Variants in FBN3 observed in about 807,000 individuals in gnomAD.
FBN3 encodes the protein fibrillin-3.
FBN3 carries 234 observed loss-of-function variants against 330.1 expected under a neutral mutation model. That is an observed-to-expected ratio of 0.71 (90% CI 0.64 to 0.79). The LOEUF (loss-of-function observed/expected upper bound fraction) is 0.79, where lower values mean the gene tolerates loss of function less well. Among genes scored for constraint, FBN3 ranks in the 30% least tolerant of loss-of-function variants. FBN3 has a pLI of 0.00. For synonymous variants in FBN3, 1,458 were observed against 1,517.3 expected (o/e 0.96, Z 0.91); for missense variants, 3,606 against 3,886.9 (o/e 0.93, Z 1.92).
intron 47 of FBN3, among the ~76,000 whole-genome samples, chr19:8,093,836 A>C (rs1397105052): frequency 6.6e-6 from 1 of 152,226 alleles, no homozygotes; most frequent in Non-Finnish European, 1.5e-5. Context: ...CCCAGGCCAG[A>C]CTGGTCCACG....
chr19:8,127,631 G>A (rs1020659246), intron 18 of FBN3, among the ~76,000 whole-genome samples: 3 of 152,158 alleles, frequency 2.0e-5, no homozygotes, highest in Admixed American at 1.3e-4. Flanking sequence ...TTGATCATCC[G>A]CTAGAGGGGC....
At position 8,075,095 on chromosome 19, in the gene FBN3, G is replaced by A. The variant is rs1349697803; in HGVS notation, c.7678C>T (p.His2560Tyr). 1 of 1,600,238 alleles carries A rather than the reference G, an allele frequency of 6.2e-7. No homozygotes were observed. The highest frequency in any genetic ancestry group is 8.5e-7 in the Non-Finnish European group (1 of 1,173,230). Residue 2560 changes from histidine to tyrosine, a missense_variant, in exon 61 of 64, where the codon CAC becomes TAC. Physicochemically the swap from His to Tyr is moderately conservative, Grantham distance 83. Coordinates refer to ENST00000600128, the MANE Select transcript of FBN3 (RefSeq NM_032447.5). ...CCCACACACTGGGCCCACTGGGAGT[G>A]CTGGGTGAAACCCTGGGGGCAGCTG... ...RCSCPQGFTQ[H>Y]SQWAQCVDEN...
At chr19:8,136,751 G>C (rs1396833540) in intron 10 of FBN3, among the ~76,000 whole-genome samples, 1 of 151,244 alleles carries the variant, frequency 6.6e-6, no homozygotes, top group Non-Finnish European at 1.5e-5. Context: ...CTCCAACCTG[G>C]GCCTGGATCC....
intron 16 of FBN3, among the ~76,000 whole-genome samples, chr19:8,130,203 G>T (rs1364338172): frequency 1.3e-5 from 2 of 151,320 alleles, no homozygotes; most frequent in African/African-American, 4.8e-5. Flanking sequence ...TGGCCATAAA[G>T]TAAATGTTTT....
At chr19:8,104,436 ACT>A (rs1289062540) in intron 38 of FBN3, among the ~76,000 whole-genome samples, 4 of 151,362 alleles carry the variant, frequency 2.6e-5, no homozygotes, top group Non-Finnish European at 5.9e-5. Context: ...ACACCACTGC[ACT>A]CCAGCCTGGA....
rs1317716874 is a variant in FBN3, at chr19:8,121,536, A to G, written c.3083-150T>C. On this transcript the variant is annotated intron_variant, in intron 24 of 63. Transcript: ENST00000600128. This position sits in a 1 kb window ranked among gnomAD's most constrained non-coding sequence, Gnocchi z 4.5. The stretch of plus-strand genomic sequence containing the variant: ...GGCACAGGCCAAGAGGGGAGGCATG[A>G]TGCAGGCATGATGGGGTGCCGTATG... 2 of 689,068 alleles carry G rather than the reference A, an allele frequency of 2.9e-6. No individual in the cohort carries two copies. The highest frequency in any genetic ancestry group is 4.5e-6 in the Non-Finnish European group (2 of 442,998). 42.7% of individuals were successfully genotyped at this position (689,068 alleles called of 1,614,324 possible). A position where few individuals can be genotyped will look rare whatever the true frequency, so the allele number is the denominator to read the frequency against.
intron 13 of FBN3, 25 bp downstream of exon 13, chr19:8,135,936 G>GGGGGGGGGGGGGCGCGGCCCC: frequency 1.5e-6 from 1 of 668,778 alleles, no homozygotes; most frequent in Non-Finnish European, 2.4e-6. Context: ...GGAAGCCCCT[G>GGGGGGGGGGGGGCGCGGCCCC]CCCACCCGCC....
intron 16 of FBN3, among the ~76,000 whole-genome samples, chr19:8,130,757 A>G (rs2083127290): frequency 6.6e-6 from 1 of 151,190 alleles, no homozygotes; most frequent in African/African-American, 2.4e-5. Flanking sequence ...AGTCCCAGCT[A>G]CTCAGGTGGT....
chr19:8,077,757 A>G (rs1435433106), intron 59 of FBN3, among the ~76,000 whole-genome samples: 1 of 152,034 alleles, frequency 6.6e-6, no homozygotes, highest in Admixed American at 6.6e-5. Flanking sequence ...TTGAGGGGCC[A>G]CAGAGAATAG....
intron 59 of FBN3, among the ~76,000 whole-genome samples, chr19:8,076,498 G>GT (rs1306746532): frequency 3.3e-5 from 5 of 151,956 alleles, no homozygotes; most frequent in East Asian, 1.9e-4. Flanking sequence ...ATTTAGCCAG[G>GT]TGTGGTGGTA....
In FBN3 at chr19:8,089,671, C is replaced by G. The variant is rs2082048607; in HGVS notation, c.6251-1G>C. On this transcript the variant is annotated splice_acceptor_variant, in intron 50 of 63. Coordinates refer to ENST00000600128, the MANE Select transcript of FBN3 (RefSeq NM_032447.5). LOFTEE classifies it high-confidence loss of function. ...GGGTTCTCTGCACACTCATTCACGT[C>G]TGCGGATGGCAGGCGTTGCAGACAT... The G allele has an allele frequency of 6.2e-7, 1 of 1,614,010 alleles. No homozygotes were observed. The highest frequency in any genetic ancestry group is 8.5e-7 in the Non-Finnish European group (1 of 1,179,930).
At chr19:8,076,331 A>G (rs1236804779) in intron 59 of FBN3, among the ~76,000 whole-genome samples, 2 of 151,684 alleles carry the variant, frequency 1.3e-5, no homozygotes, top group Non-Finnish European at 2.9e-5. Context: ...ATGTCTTTAA[A>G]TATTCTTACT....
rs1236939624 is a variant in FBN3, at chr19:8,073,365, A to G, written c.7703-68T>C. 7.0e-6 allele frequency: 9 copies of G among 1,292,990 alleles called. No individual in the cohort carries two copies. In the Admixed American group the frequency reaches 1.7e-4, roughly 24 times the overall value. The allele number at this position is 1,292,990 out of a possible 1,614,324, so 80.1% of individuals were successfully genotyped here. On this transcript the variant is annotated intron_variant, in intron 61 of 63. Coordinates refer to ENST00000600128, the MANE Select transcript of FBN3 (RefSeq NM_032447.5). Reference sequence around the variant, plus strand: ...GGCAGTGCAGCCTTCACACCCCCAGAGCCCTCCACCTGGAATGCTGTATGT... The same window carrying G: ...GGCAGTGCAGCCTTCACACCCCCAGGGCCCTCCACCTGGAATGCTGTATGT...
chr19:8,105,539 T>C (rs1023794163), intron 38 of FBN3, among the ~76,000 whole-genome samples: 5 of 152,212 alleles, frequency 3.3e-5, no homozygotes, highest in Non-Finnish European at 4.4e-5. Context: ...ATTACCAGCT[T>C]GAGCTGCCAC....
chr19:8,067,450 T>C (rs899587953), intron 63 of FBN3, among the ~76,000 whole-genome samples: 1 of 152,172 alleles, frequency 6.6e-6, no homozygotes, highest in Non-Finnish European at 1.5e-5. Flanking sequence ...GAGGTCAGCA[T>C]GGGCAACATA....
rs908579886 is a variant in FBN3, at chr19:8,115,617, G to C, written c.3736C>G (p.Pro1246Ala). Residue 1246 changes from proline (P) to alanine (A), a missense_variant, in exon 30 of 64, where the codon CCT (proline) becomes GCT (alanine). Pro to Ala is a conservative substitution (Grantham distance 27). Transcript: ENST00000600128. The stretch of plus-strand genomic sequence containing the variant: ...CAGTCCCCATGGAGGCAGATGTGAG[G>C]GTTCAGGTCACACTCATCCACATCT... Reference protein sequence around the residue: ...CVDVDECDLNPHICLHGDCEN... With the variant: ...CVDVDECDLNAHICLHGDCEN... The C allele has an allele frequency of 6.2e-7, 1 of 1,613,948 alleles. No individual in the cohort carries two copies. The highest frequency in any genetic ancestry group is 8.5e-7 in the Non-Finnish European group (1 of 1,180,000).
intron 16 of FBN3, among the ~76,000 whole-genome samples, chr19:8,130,109 G>A (rs1047862625): frequency 3.0e-4 from 45 of 152,066 alleles, no homozygotes; most frequent in African/African-American, 1.1e-3. Context: ...TGTTGGCCAG[G>A]CTGGTGTGGA....
At chr19:8,126,054 A>T (rs2082974022) in intron 21 of FBN3, 37 bp from the exon 22 acceptor site, 1 of 1,612,718 alleles carries the variant, frequency 6.2e-7, no homozygotes, top group African/African-American at 1.3e-5. Flanking sequence ...GGGTCCAGGG[A>T]GGGGAAGGGT....
rs188090170 is a variant in FBN3 at position 8,076,632 on chromosome 19, G to A, written c.7454-1221C>T. ...CCAGTCTGGGTGACTGACAGAGTGA[G>A]ATTCCATCTTAAAAATATATGTATA... On this transcript the variant is annotated intron_variant, in intron 59 of 63. Transcript: ENST00000600128. 5.3e-5 allele frequency among the ~76,000 whole-genome samples: 8 copies of A among 152,228 alleles called. 1 individual carries two copies. The highest frequency in any genetic ancestry group is 4.1e-4 in the South Asian group (2 of 4,820).
Sources: allele counts gnomAD v4.1 joint callset (sites outside exome capture counted in the v4.1 genomes callset), GRCh38; gene constraint gnomAD v4.1.1; non-coding constraint Gnocchi (gnomAD v3.1); transcripts MANE v1.5; gene names NCBI Gene and HGNC (gene_info 2026-07-23, HGNC 2026-07-21).